The following SOX5 variants were observed in gnomAD, a reference collection of about 807,000 sequenced individuals.
SOX5 encodes the protein transcription factor SOX-5.
SOX5 carries 9 observed loss-of-function variants against 92.0 expected under a neutral mutation model. That is an observed-to-expected ratio of 0.10 (90% confidence interval 0.06 to 0.17). The LOEUF (loss-of-function observed/expected upper bound fraction) is 0.17, where lower values mean the gene tolerates loss of function less well. SOX5 is among the 10% of genes least tolerant of loss of function. The pLI is 1.00. For synonymous variants in SOX5, 344 were observed against 336.3 expected (o/e 1.02, Z -0.25); for missense variants, 642 against 944.5 (o/e 0.68, Z 4.20).
In SOX5 at chr12:23,715,822, A is replaced by C. The variant is rs921822531; in HGVS notation, c.810+18862T>G. ...GTAGTAATTTCCCAAAAAAAAAAAA[A>C]AAAAAAAAAAACTTGGCCTCAAAGG... On this transcript the variant is annotated intron_variant, in intron 6 of 14. Transcript: ENST00000451604. 8.7e-5 allele frequency among the ~76,000 whole-genome samples: 13 copies of C among 149,598 alleles called. 1 individual carries two copies. The highest frequency in any genetic ancestry group is 4.0e-4 in the Admixed American group (6 of 15,172).
intron 6 of SOX5, among the ~76,000 whole-genome samples, chr12:23,700,642 A>G (rs1017786267): frequency 3.3e-5 from 5 of 152,090 alleles, no homozygotes; most frequent in African/African-American, 1.2e-4. Flanking sequence ...TAAATGTCAA[A>G]GTATGGCAGA....
At chr12:24,140,886 T>C (rs1347978577) in intron 4 of SOX5, among the ~76,000 whole-genome samples, 3 of 152,126 alleles carry the variant, frequency 2.0e-5, no homozygotes, top group Non-Finnish European at 4.4e-5. Flanking sequence ...CAATTAAATT[T>C]ACAGAAAAAT....
intron 1 of SOX5, among the ~76,000 whole-genome samples, chr12:24,533,398 C>G (rs943660476): frequency 2.6e-5 from 4 of 152,078 alleles, no homozygotes; most frequent in Non-Finnish European, 5.9e-5. Context: ...ATAACAAATA[C>G]CCTGAAGATC....
At chr12:24,125,084 T>C (rs1355791132) in intron 4 of SOX5, among the ~76,000 whole-genome samples, 1 of 152,200 alleles carries the variant, frequency 6.6e-6, no homozygotes, top group African/African-American at 2.4e-5. Flanking sequence ...CTTTTAATCC[T>C]AGGTCAAAAA....
At chr12:24,352,893 G>T (rs1244332782) in intron 2 of SOX5, among the ~76,000 whole-genome samples, 1 of 152,134 alleles carries the variant, frequency 6.6e-6, no homozygotes, top group African/African-American at 2.4e-5. Context: ...GTGTGCACGG[G>T]CCTCACTGGA....
chr12:24,104,815 T>C (rs988047279), intron 4 of SOX5, among the ~76,000 whole-genome samples: 1 of 152,212 alleles, frequency 6.6e-6, no homozygotes, highest in African/African-American at 2.4e-5. Flanking sequence ...AATATAACAG[T>C]TGGGTTTTAT....
At chr12:23,978,106 C>T (rs1337914967) in intron 4 of SOX5, among the ~76,000 whole-genome samples, 1 of 152,094 alleles carries the variant, frequency 6.6e-6, no homozygotes, top group Non-Finnish European at 1.5e-5. Flanking sequence ...TATTAATCTT[C>T]AATAAATTCT....
At chr12:24,001,450 A>C (rs1383204015) in intron 4 of SOX5, among the ~76,000 whole-genome samples, 1 of 152,160 alleles carries the variant, frequency 6.6e-6, no homozygotes, top group Admixed American at 6.6e-5. Context: ...AGAAAGTTTA[A>C]AAAAATCAGT....
At chr12:24,014,311 A>T (rs1953317493) in intron 4 of SOX5, among the ~76,000 whole-genome samples, 1 of 152,124 alleles carries the variant, frequency 6.6e-6, no homozygotes, top group Admixed American at 6.5e-5. Flanking sequence ...ATTATGCATG[A>T]CGGCATACCA....
chr12:24,130,286 G>C (rs950117525), intron 4 of SOX5, among the ~76,000 whole-genome samples: 2 of 152,204 alleles, frequency 1.3e-5, no homozygotes, highest in African/African-American at 2.4e-5. Context: ...CGACGCATCT[G>C]GGGTGAATAA....
At chr12:24,151,372 T>C (rs1276354409) in intron 4 of SOX5, among the ~76,000 whole-genome samples, 2 of 152,264 alleles carry the variant, frequency 1.3e-5, no homozygotes, top group South Asian at 2.1e-4. Context: ...TACACAGTCA[T>C]TGGATTTAAA....
At chr12:23,572,965 C>G (rs1324737019) in intron 10 of SOX5, among the ~76,000 whole-genome samples, 2 of 152,120 alleles carry the variant, frequency 1.3e-5, no homozygotes, top group African/African-American at 4.8e-5. Context: ...GAGATTAAAG[C>G]ATTTGATACA....
chr12:23,834,281 C>A (rs1190996713), intron 3 of SOX5, among the ~76,000 whole-genome samples: 6 of 151,846 alleles, frequency 4.0e-5, no homozygotes, highest in African/African-American at 1.5e-4. Flanking sequence ...TGCATGACAA[C>A]ATGTACTTTG....
intron 8 of SOX5, among the ~76,000 whole-genome samples, chr12:23,625,403 A>C (rs2077638759): frequency 6.6e-6 from 1 of 152,220 alleles, no homozygotes; most frequent in South Asian, 2.1e-4. Flanking sequence ...TAATACAAAG[A>C]GATGAAATAT....
chr12:24,093,536 C>A (rs200988445), intron 4 of SOX5, among the ~76,000 whole-genome samples: 56 of 144,336 alleles, frequency 3.9e-4, no homozygotes, highest in East Asian at 1.2e-3. Context: ...AAAAAAAAAA[C>A]AAAAACAAAA....
chr12:23,901,814 C>G (rs576466831), intron 1 of SOX5, among the ~76,000 whole-genome samples: 4 of 152,306 alleles, frequency 2.6e-5, no homozygotes, highest in Non-Finnish European at 5.9e-5. Flanking sequence ...GCTACTAAAA[C>G]CAGCAACCCT....
intron 10 of SOX5, 116 bp from the exon 11 acceptor site, chr12:23,563,519 T>C: frequency 1.3e-6 from 1 of 776,262 alleles, no homozygotes; most frequent in Non-Finnish European, 2.1e-6. Context: ...TAATGATTTC[T>C]CCATGGAATT....
At chr12:24,229,076 G>A (rs545880097) in intron 3 of SOX5, among the ~76,000 whole-genome samples, 5 of 152,254 alleles carry the variant, frequency 3.3e-5, no homozygotes, top group Admixed American at 1.3e-4. Flanking sequence ...ACAGGAGAAC[G>A]CCCCTTATCT....
chr12:24,141,477 T>G (rs1401867795), intron 4 of SOX5, among the ~76,000 whole-genome samples: 1 of 152,166 alleles, frequency 6.6e-6, no homozygotes, highest in Non-Finnish European at 1.5e-5. Context: ...ACTTGTAGTA[T>G]GAAGAAAGAT....
Sources: gnomAD v4.1 joint callset for allele counts (sites outside exome capture counted in the v4.1 genomes callset) on GRCh38, gnomAD v4.1.1 for gene constraint, MANE v1.5 for transcripts, NCBI Gene and HGNC (gene_info 2026-07-23, HGNC 2026-07-21) for gene names.